The following STXBP5L variants were observed in gnomAD, a reference collection of about 807,000 sequenced individuals.
STXBP5L encodes syntaxin binding protein 5L.
STXBP5L carries 65 observed loss-of-function variants against 144.5 expected under a neutral mutation model. The ratio of observed to expected loss-of-function variants is 0.45; its 90% CI spans 0.37 to 0.55. The LOEUF (loss-of-function observed/expected upper bound fraction) is 0.55. STXBP5L is among the 20% of genes least tolerant of loss of function. The probability of loss-of-function intolerance (pLI) is 0.00; values close to 1 mark genes in which losing one functional copy is unlikely to be tolerated. For synonymous variants in STXBP5L, 505 were observed against 469.6 expected (o/e 1.08, Z -0.97); for missense variants, 1,298 against 1,405.5 (o/e 0.92, Z 1.22).
chr3:121,349,848 C>G (rs1442329279), intron 20 of STXBP5L, among the ~76,000 whole-genome samples: 1 of 151,962 alleles, frequency 6.6e-6, no homozygotes, highest in Admixed American at 6.6e-5. Flanking sequence ...GAGCCTATGT[C>G]TGTCTCTGCA....
intron 20 of STXBP5L, among the ~76,000 whole-genome samples, chr3:121,324,743 A>G (rs552336706): frequency 6.6e-6 from 1 of 152,242 alleles, no homozygotes; most frequent in East Asian, 1.9e-4. Context: ...AAGCAAATAT[A>G]ACGCCAGAGA....
At chr3:121,100,873 A>G (rs2043386958) in intron 5 of STXBP5L, among the ~76,000 whole-genome samples, 2 of 151,996 alleles carry the variant, frequency 1.3e-5, no homozygotes, top group African/African-American at 4.8e-5. Flanking sequence ...AAAAAAGAGG[A>G]AAGATCCAAA....
intron 22 of STXBP5L, among the ~76,000 whole-genome samples, chr3:121,384,138 G>A (rs545478434): frequency 4.6e-5 from 7 of 152,134 alleles, no homozygotes; most frequent in Non-Finnish European, 7.4e-5. Flanking sequence ...CCATACCACC[G>A]AAATAAGCAC....
At chr3:120,982,559 T>C (rs150386865) in intron 3 of STXBP5L, among the ~76,000 whole-genome samples, 1 of 152,154 alleles carries the variant, frequency 6.6e-6, no homozygotes, top group Non-Finnish European at 1.5e-5. Context: ...CAGGCCACAG[T>C]GTAACTGAGG....
At chr3:121,217,021 C>T (rs970066762) in intron 10 of STXBP5L, among the ~76,000 whole-genome samples, 4 of 152,092 alleles carry the variant, frequency 2.6e-5, no homozygotes, top group East Asian at 1.9e-4. Context: ...GTAATGGTGA[C>T]GCCCCTCCCC....
In STXBP5L at chr3:120,954,947, G is replaced by A. The variant is rs778876684; in HGVS notation, c.197G>A (p.Arg66Gln). 3 of 1,611,190 alleles carry A rather than the reference G, an allele frequency of 1.9e-6. No individual in the cohort carries two copies. The highest frequency in any genetic ancestry group is 1.7e-4 in the Middle Eastern group (1 of 6,058). ...SEYFQICKTVRHGFPHQPTAL... is the reference protein window; with the variant it reads ...SEYFQICKTVQHGFPHQPTAL... ...TTATTTGCTCTCTTTCAGACAGTTCGGCATGGTTTTCCTCATCAGCCCACA... is the reference window on the plus strand; with the variant it reads ...TTATTTGCTCTCTTTCAGACAGTTCAGCATGGTTTTCCTCATCAGCCCACA... The change falls in exon 3 of 27, where the codon CGG becomes CAG. Residue 66 changes from arginine (R) to glutamine (Q), a missense_variant. Arg to Gln is a conservative substitution (Grantham distance 43). Coordinates refer to ENST00000471454, the MANE Select transcript of STXBP5L (RefSeq NM_001308330.2).
At chr3:121,133,584 G>T (rs534607863) in intron 7 of STXBP5L, among the ~76,000 whole-genome samples, 1 of 152,226 alleles carries the variant, frequency 6.6e-6, no homozygotes, top group South Asian at 2.1e-4. Flanking sequence ...ACAAACAAAA[G>T]CTCAGGAAGT....
At chr3:121,211,973 T>C (rs2048590867) in intron 10 of STXBP5L, among the ~76,000 whole-genome samples, 1 of 152,184 alleles carries the variant, frequency 6.6e-6, no homozygotes, top group Non-Finnish European at 1.5e-5. Context: ...CCAGTGTTGA[T>C]GAGCTTTTTT....
At chr3:121,076,123 T>C (rs2042008430) in intron 5 of STXBP5L, among the ~76,000 whole-genome samples, 1 of 152,204 alleles carries the variant, frequency 6.6e-6, no homozygotes, top group Non-Finnish European at 1.5e-5. Flanking sequence ...ATTCTGTGCA[T>C]TCAAATAAAT....
chr3:121,410,683 A>G (rs1005280663), intron 23 of STXBP5L, among the ~76,000 whole-genome samples: 1 of 152,066 alleles, frequency 6.6e-6, no homozygotes, highest in Admixed American at 6.6e-5. Context: ...GAGAGGAGAA[A>G]TAGAAGAGGC....
intron 5 of STXBP5L, among the ~76,000 whole-genome samples, chr3:121,051,533 A>T (rs1177868707): frequency 6.6e-6 from 1 of 152,228 alleles, no homozygotes; most frequent in African/African-American, 2.4e-5. Context: ...GTTCTTTGAA[A>T]CCAACGAAAA....
chr3:121,290,871 G>A (rs576617778), intron 19 of STXBP5L, among the ~76,000 whole-genome samples: 17 of 151,886 alleles, frequency 1.1e-4, no homozygotes, highest in South Asian at 2.1e-4. Flanking sequence ...TAAAACCCTC[G>A]GCAAAATCAG....
chr3:121,156,784 T>C (rs965139124), intron 8 of STXBP5L, among the ~76,000 whole-genome samples: 4 of 152,002 alleles, frequency 2.6e-5, no homozygotes, highest in African/African-American at 9.7e-5. Flanking sequence ...ATAGTATAAC[T>C]ACTTACATAT....
chr3:121,234,845 G>A (rs1165046871), intron 12 of STXBP5L, among the ~76,000 whole-genome samples: 1 of 151,690 alleles, frequency 6.6e-6, no homozygotes, highest in Non-Finnish European at 1.5e-5. Flanking sequence ...TCTAATATGA[G>A]TCTTATTAAA....
At chr3:121,414,976 G>A (rs1054999895) in intron 24 of STXBP5L, among the ~76,000 whole-genome samples, 13 of 152,270 alleles carry the variant, frequency 8.5e-5, no homozygotes, top group Admixed American at 4.6e-4. Flanking sequence ...GTCATTTCTC[G>A]GTTTCTGGCT....
chr3:121,259,714 A>T (rs1023261491), intron 18 of STXBP5L, among the ~76,000 whole-genome samples: 1 of 151,954 alleles, frequency 6.6e-6, no homozygotes, highest in East Asian at 1.9e-4. Context: ...ATACTTCCAT[A>T]TTTGGTATCT....
chr3:121,416,995 G>T (rs933149113), intron 25 of STXBP5L, among the ~76,000 whole-genome samples: 1 of 152,124 alleles, frequency 6.6e-6, no homozygotes, highest in Non-Finnish European at 1.5e-5. Context: ...GAAAAGGAAT[G>T]ACGTACTGAT....
intron 22 of STXBP5L, among the ~76,000 whole-genome samples, chr3:121,390,485 A>G (rs981091084): frequency 3.4e-4 from 52 of 152,284 alleles, no homozygotes; most frequent in African/African-American, 1.1e-3. Flanking sequence ...CATAGCATCA[A>G]TGGTCTTTAC....
At chr3:121,005,464 A>T (rs1401764724) in intron 3 of STXBP5L, among the ~76,000 whole-genome samples, 1 of 152,112 alleles carries the variant, frequency 6.6e-6, no homozygotes, top group African/African-American at 2.4e-5. Flanking sequence ...TAGTCATGCT[A>T]GCGGTCTATC....
Sources: gnomAD v4.1 joint callset for allele counts (sites outside exome capture counted in the v4.1 genomes callset) on GRCh38, gnomAD v4.1.1 for gene constraint, MANE v1.5 for transcripts, NCBI Gene and HGNC (gene_info 2026-07-23, HGNC 2026-07-21) for gene names.